Variants in ARHGEF38 observed in about 807,000 individuals in gnomAD.
ARHGEF38 encodes Rho guanine nucleotide exchange factor 38.
ARHGEF38 carries 79 observed loss-of-function variants against 79.9 expected under a neutral mutation model. The observed-to-expected ratio is 0.99, with a 90% CI of 0.82 to 1.19. The LOEUF (loss-of-function observed/expected upper bound fraction) is 1.19. Ranked by LOEUF, ARHGEF38 falls within the 50% of genes most tolerant of loss-of-function variation. ARHGEF38 has a pLI of 0.00. For missense variants in ARHGEF38, 962 were observed against 907.2 expected, an observed-to-expected ratio of 1.06 and a Z score of -0.78; for synonymous variants, 366 against 328.3, an observed-to-expected ratio of 1.11 and a Z score of -1.24.
At chr4:105,650,622 G>A (rs746870503) in intron 7 of ARHGEF38, among the ~76,000 whole-genome samples, 4 of 152,164 alleles carry the variant, frequency 2.6e-5, no homozygotes, top group Non-Finnish European at 4.4e-5. Context: ...TTTGCCTCTA[G>A]CCCTGTGTGG....
chr4:105,671,863 T>C (rs1730967410), intron 13 of ARHGEF38, among the ~76,000 whole-genome samples: 1 of 152,208 alleles, frequency 6.6e-6, no homozygotes, highest in Admixed American at 6.5e-5. Flanking sequence ...TTATCATTTA[T>C]TTCCCTCTCC....
At chr4:105,619,922 TC>T (rs1728671759) in intron 3 of ARHGEF38, among the ~76,000 whole-genome samples, 1 of 152,234 alleles carries the variant, frequency 6.6e-6, no homozygotes, top group Admixed American at 6.5e-5. Context: ...GTGTCCCATT[TC>T]TTTGTCCTTA....
intron 1 of ARHGEF38, chr4:105,563,239 T>G (rs1725723966): frequency 6.6e-6 from 1 of 152,176 alleles, no homozygotes; most frequent in Non-Finnish European, 1.5e-5. Flanking sequence ...AGAAAGAGCT[T>G]AATTGCACCT....
chr4:105,623,497 T>TA (rs1172999644), intron 3 of ARHGEF38, among the ~76,000 whole-genome samples: 12 of 151,910 alleles, frequency 7.9e-5, no homozygotes, highest in East Asian at 1.9e-4. Flanking sequence ...AACCTTACAT[T>TA]AAAAAAAAGT....
chr4:105,561,424 G>GGAATC (rs1725543218), intron 1 of ARHGEF38, among the ~76,000 whole-genome samples: 1 of 53,010 alleles, frequency 1.9e-5, no homozygotes, highest in South Asian at 6.9e-4. Flanking sequence ...AGAATAGAAT[G>GGAATC]GAATAGAATA....
At chr4:105,568,718 G>A (rs1726063868) in intron 1 of ARHGEF38, among the ~76,000 whole-genome samples, 1 of 152,180 alleles carries the variant, frequency 6.6e-6, no homozygotes, top group Admixed American at 6.5e-5. Context: ...GACTGTGAAA[G>A]TTGCTCAATA....
chr4:105,648,708 C>T (rs904949001), intron 7 of ARHGEF38, 26 bp downstream of exon 7: 6 of 1,491,922 alleles, frequency 4.0e-6, no homozygotes, highest in African/African-American at 1.4e-5. Flanking sequence ...GGACCACCCA[C>T]CTTTTCCCAG....
chr4:105,627,219 C>T (rs574131706), intron 3 of ARHGEF38, among the ~76,000 whole-genome samples: 1 of 152,212 alleles, frequency 6.6e-6, no homozygotes, highest in East Asian at 1.9e-4. Flanking sequence ...AACACAACTG[C>T]TTCTTCCCTT....
At chr4:105,557,010 G>C (rs1019349004) in intron 1 of ARHGEF38, among the ~76,000 whole-genome samples, 1 of 152,088 alleles carries the variant, frequency 6.6e-6, no homozygotes, top group Non-Finnish European at 1.5e-5. Flanking sequence ...AGTGACAAGA[G>C]CCATCTTAAC....
intron 9 of ARHGEF38, 28 bp from the exon 10 acceptor site, chr4:105,659,026 G>A: frequency 1.3e-6 from 2 of 1,511,932 alleles, no homozygotes; most frequent in Non-Finnish European, 1.8e-6. Context: ...TCCTCTCTCT[G>A]AAATGGGCTC....
At chr4:105,588,895 C>A (rs1440919217) in intron 1 of ARHGEF38, among the ~76,000 whole-genome samples, 1 of 152,074 alleles carries the variant, frequency 6.6e-6, no homozygotes, top group Non-Finnish European at 1.5e-5. Context: ...AATTAAAATT[C>A]TTCCCTTGAT....
Position 105,613,491 on chromosome 4 carries a change from G to A in ARHGEF38, c.492G>A (p.Pro164=), listed in dbSNP as rs546360299. 31 of 1,612,590 alleles carry A rather than the reference G, an allele frequency of 1.9e-5. No individual in the cohort carries two copies. Among genetic ancestry groups the A allele is most frequent in the South Asian group, 1.1e-4 (10 of 90,846 alleles). The change falls in exon 3 of 14, where the codon CCG becomes CCA. Residue 164 remains proline, a synonymous_variant. Coordinates refer to ENST00000420470, the MANE Select transcript of ARHGEF38 (RefSeq NM_001242729.2). ...AAGAGGCCACAACAGACGTGGAACC[G>A]GCCATGCAAGTAATTGGTATGTTTA... ...LLEEATTDVE[P]AMQVIGEVFL...
chr4:105,679,502 T>C lies in ARHGEF38; in HGVS notation c.*1565T>C. 6.7e-7 allele frequency: 1 copy of C among 1,497,128 alleles called. No individual in the cohort carries two copies. The highest frequency in any genetic ancestry group is 9.3e-7 in the Non-Finnish European group (1 of 1,076,198). The allele number at this position is 1,497,128 out of a possible 1,614,324, so 92.7% of individuals were successfully genotyped here. A position where few individuals can be genotyped will look rare whatever the true frequency, so the allele number is the denominator to read the frequency against. Reference sequence around the variant, plus strand: ...ACCCCTTATCAGAGTTGATTAAAGATCATGGTTCAAAGCTTGATACACCAG... The same window carrying C: ...ACCCCTTATCAGAGTTGATTAAAGACCATGGTTCAAAGCTTGATACACCAG... On this transcript the variant is annotated 3_prime_UTR_variant, in exon 14 of 14. Coordinates refer to ENST00000420470, the MANE Select transcript of ARHGEF38 (RefSeq NM_001242729.2).
chr4:105,597,704 A>C (rs1025442289), intron 2 of ARHGEF38, among the ~76,000 whole-genome samples: 1 of 152,178 alleles, frequency 6.6e-6, no homozygotes, highest in Admixed American at 6.6e-5. Context: ...TGCCATTTAT[A>C]ATATGTTCTA....
intron 2 of ARHGEF38, among the ~76,000 whole-genome samples, chr4:105,589,921 C>T (rs1727243587): frequency 6.6e-6 from 1 of 151,902 alleles, no homozygotes; most frequent in African/African-American, 2.4e-5. Context: ...CGCCTGTAAT[C>T]CCAGCTACTT....
At chr4:105,557,381 A>C (rs552362229) in intron 1 of ARHGEF38, among the ~76,000 whole-genome samples, 2 of 152,246 alleles carry the variant, frequency 1.3e-5, no homozygotes, top group South Asian at 4.1e-4. Context: ...ACAAAAGTTT[A>C]CTAACATTCA....
Position 105,655,591 on chromosome 4 carries a change from C to G in ARHGEF38, c.1114-12C>G. ...AACTTGCCTTTTTTGTAACTTTGTT[C>G]TTGGGTTTCAGGATGCCATGCCCCT... is the stretch of plus-strand genomic sequence containing the variant. On this transcript the variant is annotated splice_polypyrimidine_tract_variant and intron_variant, in intron 8 of 13. Coordinates refer to ENST00000420470, the MANE Select transcript of ARHGEF38 (RefSeq NM_001242729.2). 1 of 1,532,240 alleles carries G rather than the reference C, an allele frequency of 6.5e-7. No individual in the cohort carries two copies. Among genetic ancestry groups the G allele is most frequent in the Non-Finnish European group, 8.7e-7 (1 of 1,145,510 alleles). The allele number at this position is 1,532,240 out of a possible 1,614,324, so 94.9% of individuals were successfully genotyped here.
chr4:105,668,707 T>TGATA (rs1292497618), intron 13 of ARHGEF38, among the ~76,000 whole-genome samples: 11 of 148,416 alleles, frequency 7.4e-5, no homozygotes, highest in African/African-American at 2.0e-4. Flanking sequence ...GATAGATAGA[T>TGATA]GATAGATAGA....
rs1725049620 is a variant in ARHGEF38 at position 105,552,629 on chromosome 4, C to T, written c.-137C>T. On this transcript the variant is annotated 5_prime_UTR_variant, in exon 1 of 14. Transcript: ENST00000420470. ...TCGTAGAGGTGGTGGCAGTCACAGC[C>T]AGGTAACCCTGGAGTGAAGCGGTTT... The T allele has an allele frequency of 6.5e-6, 4 of 614,262 alleles. No individual in the cohort carries two copies. The highest frequency in any genetic ancestry group is 1.1e-5 in the Non-Finnish European group (4 of 375,262). The allele number at this position is 614,262 out of a possible 1,614,324, so 38.1% of individuals were successfully genotyped here. A position where few individuals can be genotyped will look rare whatever the true frequency, so the allele number is the denominator to read the frequency against.
Sources: gnomAD v4.1 joint callset for allele counts (sites outside exome capture counted in the v4.1 genomes callset) on GRCh38, gnomAD v4.1.1 for gene constraint, MANE v1.5 for transcripts, NCBI Gene and HGNC (gene_info 2026-07-23, HGNC 2026-07-21) for gene names.